The following PPIP5K2 variants were observed in gnomAD, a reference collection of about 807,000 sequenced individuals.
PPIP5K2 encodes diphosphoinositol pentakisphosphate kinase 2, also known as inositol hexakisphosphate and diphosphoinositol-pentakisphosphate kinase 2.
In PPIP5K2, 105 loss-of-function variants were observed where a neutral mutation model predicts 154.6. That is an observed-to-expected ratio of 0.68 (90% CI 0.58 to 0.80). The LOEUF is 0.80. Ranked by LOEUF, PPIP5K2 falls within the 30% of genes least tolerant of loss-of-function variation. The pLI is 0.00. For missense variants in PPIP5K2, 992 were observed against 1,504.6 expected (o/e 0.66, Z 5.64); for synonymous variants, 480 against 490.3 (o/e 0.98, Z 0.28).
At chr5:103,150,054 A>T (rs776365717) in intron 8 of PPIP5K2, among the ~76,000 whole-genome samples, 1 of 152,166 alleles carries the variant, frequency 6.6e-6, no homozygotes, top group Admixed American at 6.5e-5. Flanking sequence ...CTCTCAATCT[A>T]TATTGTTAAG....
chr5:103,134,805 A>C (rs1380696540), intron 3 of PPIP5K2, among the ~76,000 whole-genome samples: 1 of 152,198 alleles, frequency 6.6e-6, no homozygotes, highest in African/African-American at 2.4e-5. Flanking sequence ...GAGGCTTCAA[A>C]TCATAGACAT....
rs1321690489 is a variant in PPIP5K2, at chr5:103,203,482, A to C, written c.*1848A>C. ...GACACTCTATTTGTAAAAATCTTAG[A>C]ATCACTTTCCAAAACAAATAAAAAG... On this transcript the variant is annotated 3_prime_UTR_variant, in exon 31 of 31. Coordinates refer to ENST00000358359, the MANE Select transcript of PPIP5K2 (RefSeq NM_001276277.3). 6 of 152,198 alleles carry C rather than the reference A, an allele frequency of 3.9e-5. No individual in the cohort carries two copies. The East Asian group carries it at 1.2e-3, about 29-fold the overall frequency. The allele number at this position is 152,198 out of a possible 1,614,324, so 9.4% of individuals were successfully genotyped here.
intron 8 of PPIP5K2, 124 bp downstream of exon 8, chr5:103,149,437 T>A (rs1396792775): frequency 3.5e-6 from 3 of 859,872 alleles, no homozygotes; most frequent in Non-Finnish European, 5.2e-6. Context: ...TACATCTGAA[T>A]GGTTCATGTA....
chr5:103,190,904 T>G lies in PPIP5K2; in HGVS notation c.3415T>G (p.Ser1139Ala), dbSNP rs782136647. 3.7e-6 allele frequency: 6 copies of G among 1,610,442 alleles called. No homozygotes were observed. The South Asian group carries it at 6.6e-5, about 18-fold the overall frequency. ...CPLETLHNAL[S>A]LKQVDEFLAS... ...TCTAGAAACTCTTCATAATGCCCTA[T>G]CTTTAAAGCAAGTGGATGAATTTCT... Residue 1139 changes from serine to alanine, a missense_variant, in exon 29 of 31, where the codon TCT becomes GCT. This residue lies in a region of PPIP5K2 where 29 missense variants were observed against 56.4 expected (regional missense o/e 0.51). Transcript: ENST00000358359.
intron 9 of PPIP5K2, among the ~76,000 whole-genome samples, chr5:103,152,244 G>A (rs1366270346): frequency 6.6e-6 from 1 of 151,918 alleles, no homozygotes; most frequent in African/African-American, 2.4e-5. Context: ...TAGTATAGTA[G>A]TGATTTGTTA....
chr5:103,170,965 G>A (rs776397605), intron 19 of PPIP5K2, among the ~76,000 whole-genome samples: 2 of 151,500 alleles, frequency 1.3e-5, no homozygotes, highest in South Asian at 4.1e-4. Context: ...GGGTACCACT[G>A]TGAAAGAGAA....
At chr5:103,141,693 T>C (rs1792700461) in intron 5 of PPIP5K2, among the ~76,000 whole-genome samples, 1 of 152,152 alleles carries the variant, frequency 6.6e-6, no homozygotes, top group Non-Finnish European at 1.5e-5. Context: ...AGAGTGTCGA[T>C]TGGTGCATTC....
intron 25 of PPIP5K2, chr5:103,184,368 G>T: frequency 4.7e-6 from 1 of 214,870 alleles, no homozygotes; most frequent in Non-Finnish European, 9.3e-6. Flanking sequence ...TTAAGAGTGG[G>T]CATTTGGCTT....
intron 17 of PPIP5K2, among the ~76,000 whole-genome samples, chr5:103,166,704 G>A (rs1554218015): frequency 1.3e-5 from 2 of 151,832 alleles, no homozygotes; most frequent in Non-Finnish European, 2.9e-5. Context: ...ATATGCTCTA[G>A]TCTTACAACA....
intron 11 of PPIP5K2, 95 bp downstream of exon 11, chr5:103,154,029 AC>A (rs1554212230): frequency 1.2e-6 from 1 of 833,968 alleles, no homozygotes; most frequent in African/African-American, 1.8e-5. Flanking sequence ...ATATAGAAAA[AC>A]TTTTATCTAC....
intron 14 of PPIP5K2, among the ~76,000 whole-genome samples, chr5:103,157,135 C>T (rs1795532863): frequency 6.6e-6 from 1 of 152,070 alleles, no homozygotes; most frequent in African/African-American, 2.4e-5. Context: ...GGGGTGATTT[C>T]CTCTCACCTT....
chr5:103,207,495 A>G lies in PPIP5K2; in HGVS notation c.*5861A>G, dbSNP rs1274603510. 6.6e-6 allele frequency: 1 copy of G among 152,156 alleles called. No individual in the cohort carries two copies. The highest frequency in any genetic ancestry group is 1.9e-4 in the East Asian group (1 of 5,200). 9.4% of individuals were successfully genotyped at this position (152,156 alleles called of 1,614,324 possible). ...CTGTATACTACACTTGCATTATGTT[A>G]TTCACATTTGCTATAGTTCACTTGT... On this transcript the variant is annotated 3_prime_UTR_variant, in exon 31 of 31. Coordinates refer to ENST00000358359, the MANE Select transcript of PPIP5K2 (RefSeq NM_001276277.3).
chr5:103,175,944 A>G lies in PPIP5K2; in HGVS notation c.2530-1723A>G, dbSNP rs572563591. Among the ~76,000 whole-genome samples, 66 of 152,236 alleles carry G rather than the reference A, an allele frequency of 4.3e-4. 1 individual carries two copies. The South Asian group carries it at 0.013, about 30-fold the overall frequency. On this transcript the variant is annotated intron_variant, in intron 21 of 30. Coordinates refer to ENST00000358359, the MANE Select transcript of PPIP5K2 (RefSeq NM_001276277.3). ...TCTGCCAAAATGTTTTGTTTTCATT[A>G]TCCCAACTCTTATTATCCTTGTAAG...
intron 3 of PPIP5K2, among the ~76,000 whole-genome samples, chr5:103,135,780 G>T (rs1554203975): frequency 6.6e-6 from 1 of 151,974 alleles, no homozygotes; most frequent in Non-Finnish European, 1.5e-5. Flanking sequence ...TTTAGATTTT[G>T]GGGGAGGGGA....
At chr5:103,187,186 A>C in intron 27 of PPIP5K2, 128 bp from the exon 28 acceptor site, 20 of 572,628 alleles carry the variant, frequency 3.5e-5, no homozygotes, top group Non-Finnish European at 3.4e-5. Context: ...ACCTTATTAC[A>C]TTCTCTCATT....
At position 103,126,092 on chromosome 5, in the gene PPIP5K2, T is replaced by C. The variant is rs116182083; in HGVS notation, c.-284-3214T>C. Among the ~76,000 whole-genome samples the C allele has an allele frequency of 6.7e-3, 1,025 of 152,338 alleles. 7 individuals are homozygous for C. Among genetic ancestry groups the C allele is most frequent in the Non-Finnish European group, 0.013 (852 of 68,028 alleles). On this transcript the variant is annotated intron_variant, in intron 1 of 30. Transcript: ENST00000358359. ...GCTTTAGAGGCTTTATACTTGATGT[T>C]TCTTACCTGGAATGTTCACACCATA...
intron 29 of PPIP5K2, 118 bp from the exon 30 acceptor site, chr5:103,194,782 T>C (rs1554227907): frequency 1.7e-6 from 2 of 1,165,352 alleles, no homozygotes; most frequent in African/African-American, 1.6e-5. Flanking sequence ...ACCTTGACCA[T>C]TTTCTTCTGT....
intron 5 of PPIP5K2, among the ~76,000 whole-genome samples, chr5:103,145,518 GA>G (rs1793611895): frequency 6.6e-6 from 1 of 152,040 alleles, no homozygotes; most frequent in Admixed American, 6.6e-5. Flanking sequence ...GATGGATAAA[GA>G]AAATGTGGTA....
intron 19 of PPIP5K2, 113 bp downstream of exon 19, chr5:103,168,408 T>C (rs1358060596): frequency 1.3e-6 from 1 of 758,600 alleles, no homozygotes; most frequent in East Asian, 2.7e-5. Context: ...CCAGTAACTT[T>C]AAACAGGAAA....
Sources: gnomAD v4.1 joint callset for allele counts (sites outside exome capture counted in the v4.1 genomes callset) on GRCh38, gnomAD v4.1.1 for gene constraint, gnomAD v4.1.1 regional missense constraint, MANE v1.5 for transcripts, NCBI Gene and HGNC (gene_info 2026-07-23, HGNC 2026-07-21) for gene names.